Variants in GRAMD2B observed in about 807,000 individuals in gnomAD.
The protein encoded by GRAMD2B is GRAM domain containing 2B, also known as GRAM domain-containing protein 2B.
GRAMD2B carries 41 observed loss-of-function variants against 59.2 expected under a neutral mutation model. The observed-to-expected ratio is 0.69, with a 90% confidence interval of 0.54 to 0.90. GRAMD2B has a LOEUF of 0.90. Ranked by LOEUF, GRAMD2B falls within the 40% of genes least tolerant of loss-of-function variation. The pLI is 0.00. For synonymous variants in GRAMD2B, 161 were observed against 182.7 expected, an observed-to-expected ratio of 0.88 and a Z score of 0.96; for missense variants, 424 against 500.5, an observed-to-expected ratio of 0.85 and a Z score of 1.46.
At chr5:126,467,345 C>T (rs1581171246) in intron 2 of GRAMD2B, 2 of 152,042 alleles carry the variant, frequency 1.3e-5, no homozygotes, top group Admixed American at 1.3e-4. Flanking sequence ...AAGGACCCCA[C>T]ATTTTCATTT....
intron 1 of GRAMD2B, among the ~76,000 whole-genome samples, chr5:126,408,587 C>A (rs541239344): frequency 6.6e-6 from 1 of 151,574 alleles, no homozygotes; most frequent in East Asian, 1.9e-4. Flanking sequence ...TTGAATGTGG[C>A]CTGATTTGTG....
intron 1 of GRAMD2B, among the ~76,000 whole-genome samples, chr5:126,397,147 T>C (rs1757426203): frequency 6.6e-6 from 1 of 152,204 alleles, no homozygotes; most frequent in Non-Finnish European, 1.5e-5. Context: ...ATTCTGTTGA[T>C]AGTTTCTTAA....
chr5:126,481,034 A>G, intron 8 of GRAMD2B: 1 of 332,050 alleles, frequency 3.0e-6, no homozygotes, highest in Non-Finnish European at 5.6e-6. Flanking sequence ...AATCTATTTG[A>G]GGTAGGACTG....
chr5:126,413,800 T>C (rs961775932), intron 1 of GRAMD2B, among the ~76,000 whole-genome samples: 2 of 152,108 alleles, frequency 1.3e-5, no homozygotes, highest in Non-Finnish European at 2.9e-5. Flanking sequence ...GGGTATATAT[T>C]CAGGATAGTT....
intron 1 of GRAMD2B, among the ~76,000 whole-genome samples, chr5:126,435,589 G>T (rs1762282055): frequency 6.6e-6 from 1 of 152,180 alleles, no homozygotes; most frequent in Non-Finnish European, 1.5e-5. Context: ...CTTTAGGGAA[G>T]TCGTTCTCCT....
chr5:126,364,479 C>T (rs565360234), intron 1 of GRAMD2B, among the ~76,000 whole-genome samples: 15 of 152,318 alleles, frequency 9.8e-5, no homozygotes, highest in African/African-American at 3.6e-4. Context: ...GATCGCTTCC[C>T]GCTCTTGTCC....
At chr5:126,481,179 C>A (rs1771662421) in intron 8 of GRAMD2B, among the ~76,000 whole-genome samples, 2 of 101,184 alleles carry the variant, frequency 2.0e-5, no homozygotes, top group Admixed American at 1.3e-4. Flanking sequence ...TGAATATGCT[C>A]AGAATTAACT....
chr5:126,421,344 G>A (rs1370896275), upstream of GRAMD2B, among the ~76,000 whole-genome samples: 9 of 152,208 alleles, frequency 5.9e-5, no homozygotes, highest in Non-Finnish European at 1.3e-4. Flanking sequence ...TGAGATCTGA[G>A]AGTCCTCATC....
Position 126,391,593 on chromosome 5 carries a change from G to A in GRAMD2B, c.125+20026G>A, listed in dbSNP as rs529726539. On this transcript the variant is annotated intron_variant, in intron 1 of 8. Transcript: ENST00000506445. ...ATAAAATGTGGTATGTCCATGCAAC[G>A]GAATATTATTTGGCAATAAAAAGGA... Among the ~76,000 whole-genome samples the A allele has an allele frequency of 9.8e-4, 149 of 152,192 alleles. 1 individual carries two copies. The highest frequency in any genetic ancestry group is 2.7e-3 in the African/African-American group (112 of 41,526).
Position 126,398,271 on chromosome 5 carries a change from T to G in GRAMD2B, c.125+26704T>G, listed in dbSNP as rs191536519. Among the ~76,000 whole-genome samples, 16 of 152,176 alleles carry G rather than the reference T, an allele frequency of 1.1e-4. No homozygotes were observed. The East Asian group carries it at 3.1e-3, about 29-fold the overall frequency. On this transcript the variant is annotated intron_variant, in intron 1 of 8. Transcript: ENST00000506445. ...CCTGAGCTCAAGCAATCCTCCCATC[T>G]CAGTGGAAGATTTCTTAATACTGAT...
upstream of GRAMD2B, among the ~76,000 whole-genome samples, chr5:126,422,149 C>A (rs1759792437): frequency 6.6e-6 from 1 of 152,112 alleles, no homozygotes; most frequent in Non-Finnish European, 1.5e-5. Flanking sequence ...TGAATATAGC[C>A]CAATACAAAT....
intron 1 of GRAMD2B, among the ~76,000 whole-genome samples, chr5:126,463,615 T>C (rs1311564106): frequency 1.3e-5 from 2 of 152,254 alleles, no homozygotes; most frequent in Non-Finnish European, 2.9e-5. Context: ...TTTTAATGTA[T>C]GTAACTGTTT....
intron 1 of GRAMD2B, among the ~76,000 whole-genome samples, chr5:126,440,824 A>AT: frequency 6.6e-6 from 1 of 152,218 alleles, no homozygotes; most frequent in Admixed American, 6.5e-5. Context: ...ACTACACATT[A>AT]ACACAATGGT....
intron 1 of GRAMD2B, among the ~76,000 whole-genome samples, chr5:126,401,556 GA>G (rs1482856636): frequency 2.0e-5 from 3 of 151,958 alleles, no homozygotes; most frequent in Admixed American, 2.0e-4. Flanking sequence ...CACATTTGAA[GA>G]ATCAGTTAGC....
At chr5:126,366,251 T>C (rs1446166156) in intron 1 of GRAMD2B, among the ~76,000 whole-genome samples, 1 of 152,196 alleles carries the variant, frequency 6.6e-6, no homozygotes, top group Non-Finnish European at 1.5e-5. Flanking sequence ...TGAATTAGAC[T>C]GGAATATTCC....
chr5:126,451,921 CTT>C (rs1765449751), intron 1 of GRAMD2B, among the ~76,000 whole-genome samples: 6 of 152,062 alleles, frequency 3.9e-5, no homozygotes, highest in Admixed American at 3.9e-4. Flanking sequence ...TTCTCTCTCT[CTT>C]GCTCCCACTC....
At chr5:126,399,456 G>T (rs1044953591) in intron 1 of GRAMD2B, among the ~76,000 whole-genome samples, 2 of 152,094 alleles carry the variant, frequency 1.3e-5, no homozygotes, top group African/African-American at 4.8e-5. Flanking sequence ...GTAATAGTGT[G>T]TGAGTTCTCA....
At chr5:126,449,029 T>C (rs1232697565) in intron 1 of GRAMD2B, among the ~76,000 whole-genome samples, 2 of 151,900 alleles carry the variant, frequency 1.3e-5, no homozygotes, top group African/African-American at 4.8e-5. Context: ...TAGAAAGGAG[T>C]GGCAAGGAAG....
At chr5:126,453,680 T>C (rs1765768336) in intron 1 of GRAMD2B, among the ~76,000 whole-genome samples, 1 of 152,226 alleles carries the variant, frequency 6.6e-6, no homozygotes, top group Non-Finnish European at 1.5e-5. Flanking sequence ...AAACAGTCTT[T>C]TCAAGTTTCC....
Sources: allele counts gnomAD v4.1 joint callset (sites outside exome capture counted in the v4.1 genomes callset), GRCh38; gene constraint gnomAD v4.1.1; transcripts MANE v1.5; gene names NCBI Gene and HGNC (gene_info 2026-07-23, HGNC 2026-07-21).